The following ABCB10 variants were observed in gnomAD, a reference collection of about 807,000 sequenced individuals.
ABCB10 encodes the protein ATP binding cassette subfamily B member 10, also known as ATP-binding cassette sub-family B member 10, mitochondrial.
In ABCB10, 54 loss-of-function variants were observed where a neutral mutation model predicts 65.4. The observed-to-expected ratio is 0.83, with a 90% confidence interval of 0.66 to 1.04. The LOEUF (loss-of-function observed/expected upper bound fraction) is 1.04, where lower values mean the gene tolerates loss of function less well. Among genes scored for constraint, ABCB10 ranks in the 50% least tolerant of loss-of-function variants. ABCB10 has a pLI of 0.00. For missense variants in ABCB10, 846 were observed against 976.6 expected (o/e 0.87, Z 1.78); for synonymous variants, 418 against 406.5 (o/e 1.03, Z -0.34).
intron 6 of ABCB10, among the ~76,000 whole-genome samples, chr1:229,532,638 T>A (rs1662611647): frequency 6.6e-6 from 1 of 151,192 alleles, no homozygotes; most frequent in Admixed American, 6.6e-5. Context: ...CTCAACACTT[T>A]GGGAGGCCAA....
rs1662554875 is a variant in ABCB10 at position 229,530,376 on chromosome 1, C to T, written c.1468G>A (p.Gly490Ser). Residue 490 changes from glycine to serine, a missense_variant, in exon 8 of 13, where the codon GGT becomes AGT. By Grantham distance (56) the Gly-to-Ser change is moderately conservative (BLOSUM62 0). This residue lies in a region of ABCB10 where 632 missense variants were observed against 803.2 expected (regional missense o/e 0.79). Coordinates refer to ENST00000344517, the MANE Select transcript of ABCB10 (RefSeq NM_012089.3). Reference protein sequence around the residue: ...GVILNEKSFQGALEFKNVHFA... With the variant: ...GVILNEKSFQSALEFKNVHFA... ...TGCACGTTCTTAAACTCCAAAGCACCCTGGAAGCTTTTCTCATTTAAGATG... is the reference window on the plus strand; with the variant it reads ...TGCACGTTCTTAAACTCCAAAGCACTCTGGAAGCTTTTCTCATTTAAGATG... The T allele has an allele frequency of 1.9e-6, 3 of 1,614,066 alleles. No homozygotes were observed. The highest frequency in any genetic ancestry group is 2.5e-6 in the Non-Finnish European group (3 of 1,180,028).
chr1:229,540,776 C>T, intron 4 of ABCB10, 24 bp from the exon 5 acceptor site: 3 of 1,603,256 alleles, frequency 1.9e-6, no homozygotes, highest in Non-Finnish European at 2.6e-6. Context: ...AAATACATTT[C>T]AGGAGGAGAA....
chr1:229,531,712 C>T lies in ABCB10; in HGVS notation c.1359G>A (p.Ser453=), dbSNP rs770732387. The part of the protein sequence containing the change: ...ISIGGLSSFY[S]ELMKGLGAGG... ...CTGCACCCAGTCCTTTCATCAGCTCCGAGTAGAAAGAGCTCAGACCTGAGG... is the reference window on the plus strand; with the variant it reads ...CTGCACCCAGTCCTTTCATCAGCTCTGAGTAGAAAGAGCTCAGACCTGAGG... The change falls in exon 7 of 13, where the codon TCG becomes TCA. Residue 453 remains serine (S), a synonymous_variant. Transcript: ENST00000344517. 4.5e-5 allele frequency: 72 copies of T among 1,613,736 alleles called. No individual in the cohort carries two copies. The highest frequency in any genetic ancestry group is 4.7e-5 in the Non-Finnish European group (55 of 1,179,842).
chr1:229,519,426 G>A (rs1014440636), intron 11 of ABCB10, among the ~76,000 whole-genome samples: 1 of 152,158 alleles, frequency 6.6e-6, no homozygotes, highest in African/African-American at 2.4e-5. Flanking sequence ...TGCCATCAGA[G>A]TAATCACTAG....
chr1:229,518,337 C>T lies in ABCB10; in HGVS notation c.2059G>A (p.Val687Ile). The change falls in exon 13 of 13, where the codon GTT (valine) becomes ATT (isoleucine). Residue 687 changes from valine to isoleucine, a missense_variant. Coordinates refer to ENST00000344517, the MANE Select transcript of ABCB10 (RefSeq NM_012089.3). ...DRLMDGRTVL[V>I]IAHRLSTIKN... ...ATGGTGGACAGACGATGGGCAATAACTAACACCGTTCTTCCATCCATCAGT... is the reference window on the plus strand; with the variant it reads ...ATGGTGGACAGACGATGGGCAATAATTAACACCGTTCTTCCATCCATCAGT... 1 of 1,614,200 alleles carries T rather than the reference C, an allele frequency of 6.2e-7. No individual in the cohort carries two copies. The highest frequency in any genetic ancestry group is 8.5e-7 in the Non-Finnish European group (1 of 1,180,036).
chr1:229,540,762 T>C lies in ABCB10; in HGVS notation c.1057-10A>G, dbSNP rs201337390. 3.7e-6 allele frequency: 6 copies of C among 1,609,680 alleles called. No individual in the cohort carries two copies. In the East Asian group the frequency reaches 9.0e-5, roughly 24 times the overall value. On this transcript the variant is annotated splice_polypyrimidine_tract_variant and intron_variant, in intron 4 of 12. Transcript: ENST00000344517. ...TACGTTCCTCAGCTAGCTGGGAGAA[T>C]AATAAATACATTTCAGGAGGAGAAG...
In ABCB10 at chr1:229,558,385, G is replaced by A; in HGVS notation, c.268C>T (p.Leu90=). The change falls in exon 1 of 13, where the codon CTG becomes TTG. Residue 90 remains leucine (L), a synonymous_variant. Transcript: ENST00000344517. Reference sequence around the variant, plus strand: ...CCGGGGCCGCGAGCCCACAGCCCCAGGAGCCGCGCGAGGCCCAGGACGCCC... The same window carrying A: ...CCGGGGCCGCGAGCCCACAGCCCCAAGAGCCGCGCGAGGCCCAGGACGCCC... ...SRGVLGLARL[L]GLWARGPGSC... The A allele has an allele frequency of 2.4e-6, 3 of 1,242,530 alleles. No homozygotes were observed. Among genetic ancestry groups the A allele is most frequent in the African/African-American group, 1.6e-5 (1 of 62,360 alleles). The allele number at this position is 1,242,530 out of a possible 1,614,324, so 77.0% of individuals were successfully genotyped here. A position where few individuals can be genotyped will look rare whatever the true frequency, so the allele number is the denominator to read the frequency against.
intron 1 of ABCB10, 46 bp downstream of exon 1, chr1:229,558,090 G>T: frequency 7.6e-7 from 1 of 1,309,330 alleles, no homozygotes; most frequent in Non-Finnish European, 9.7e-7. Context: ...CCCGCGTGTG[G>T]AGAAGGAGAG....
intron 3 of ABCB10, among the ~76,000 whole-genome samples, chr1:229,542,847 C>T (rs761882585): frequency 1.3e-5 from 2 of 151,880 alleles, no homozygotes; most frequent in East Asian, 1.9e-4. Context: ...ACCCCATTAT[C>T]GGGTGGGGTG....
rs781300607 is a variant in ABCB10 at position 229,518,182 on chromosome 1, T to C, written c.2214A>G (p.Ala738=). Residue 738 remains alanine (A), a synonymous_variant, in exon 13 of 13, where the codon GCA becomes GCG. Coordinates refer to ENST00000344517, the MANE Select transcript of ABCB10 (RefSeq NM_012089.3). ...TTGTTTACCAGTAATTGCTTCCTTA[T>C]GCTGAAATAAAACTTTGTTTGTTCA... The part of the protein sequence containing the change: ...KLMNKQSFIS[A] 2 of 1,612,246 alleles carry C rather than the reference T, an allele frequency of 1.2e-6. No homozygotes were observed. Among genetic ancestry groups the C allele is most frequent in the African/African-American group, 2.7e-5 (2 of 74,870 alleles).
At position 229,521,664 on chromosome 1, in the gene ABCB10, G is replaced by A. The variant is rs750711754; in HGVS notation, c.1907-29C>T. The A allele has an allele frequency of 5.0e-6, 8 of 1,610,978 alleles. No individual in the cohort carries two copies. The Admixed American group carries it at 1.3e-4, about 27-fold the overall frequency. On this transcript the variant is annotated intron_variant, in intron 10 of 12. Coordinates refer to ENST00000344517, the MANE Select transcript of ABCB10 (RefSeq NM_012089.3). ...ACAAAGACAACATTTAAAAAAAGAA[G>A]GCCTCAACAAAAAATCTTAGTAATA...
intron 1 of ABCB10, among the ~76,000 whole-genome samples, chr1:229,551,858 T>G (rs1350963289): frequency 1.3e-5 from 2 of 152,246 alleles, no homozygotes; most frequent in Non-Finnish European, 2.9e-5. Flanking sequence ...CCTTCATCAG[T>G]AGCTAATCTC....
chr1:229,541,052 G>A (rs12066243), intron 4 of ABCB10, among the ~76,000 whole-genome samples: 3,628 of 152,234 alleles, frequency 0.024, 145 homozygotes, highest in African/African-American at 0.083. Context: ...AGGAGTATAT[G>A]TAGATGCAGA....
At chr1:229,530,737 G>A (rs958540119) in intron 7 of ABCB10, among the ~76,000 whole-genome samples, 3 of 152,218 alleles carry the variant, frequency 2.0e-5, no homozygotes, top group African/African-American at 4.8e-5. Flanking sequence ...AAGTAGTGGA[G>A]TTAAGATCCA....
At chr1:229,540,853 A>G in intron 4 of ABCB10, 101 bp from the exon 5 acceptor site, 3 of 1,290,692 alleles carry the variant, frequency 2.3e-6, no homozygotes, top group Non-Finnish European at 3.1e-6. Context: ...TATTCATTAG[A>G]AAGAAAAGAA....
intron 7 of ABCB10, 21 bp from the exon 8 acceptor site, chr1:229,530,429 T>G: frequency 6.2e-7 from 1 of 1,611,826 alleles, no homozygotes; most frequent in South Asian, 1.1e-5. Context: ...AAATGGAATA[T>G]TAATTACTTA....
intron 1 of ABCB10, among the ~76,000 whole-genome samples, chr1:229,556,908 C>T (rs1663262681): frequency 6.6e-6 from 1 of 152,206 alleles, no homozygotes; most frequent in South Asian, 2.1e-4. Context: ...ATGAATCGCA[C>T]AGTCCCCGTC....
In ABCB10 at chr1:229,558,279, G is replaced by A; in HGVS notation, c.374C>T (p.Ala125Val). The A allele has an allele frequency of 1.6e-6, 2 of 1,254,078 alleles. No homozygotes were observed. The highest frequency in any genetic ancestry group is 3.4e-5 in the East Asian group (1 of 29,152). 77.7% of individuals were successfully genotyped at this position (1,254,078 alleles called of 1,614,324 possible). The stretch of plus-strand genomic sequence containing the variant: ...CCAGGCCTCGTCCCCTGCCCAGGCA[G>A]CGGCTGCGGGACCGCCCGGGAACCG... ...RARFPGGPAA[A>V]AWAGDEAWRR... is the part of the protein sequence containing the mutation. Residue 125 changes from alanine (A) to valine (V), a missense_variant, in exon 1 of 13, where the codon GCT becomes GTT. Ala to Val is a moderately conservative substitution (Grantham distance 64). Transcript: ENST00000344517.
At position 229,525,869 on chromosome 1, in the gene ABCB10, A is replaced by C. The variant is rs901638115; in HGVS notation, c.1906+67T>G. ...CAAAAACAAAACAAACAAACAAAAA[A>C]AACAAGAAACATGTGAAAAGTTCTT... On this transcript the variant is annotated intron_variant, in intron 10 of 12. Coordinates refer to ENST00000344517, the MANE Select transcript of ABCB10 (RefSeq NM_012089.3). The C allele has an allele frequency of 1.6e-5, 25 of 1,523,088 alleles. No homozygotes were observed. The African/African-American group carries it at 3.5e-4, about 21-fold the overall frequency. The allele number at this position is 1,523,088 out of a possible 1,614,324, so 94.3% of individuals were successfully genotyped here. A position where few individuals can be genotyped will look rare whatever the true frequency, so the allele number is the denominator to read the frequency against.
Sources: allele counts gnomAD v4.1 joint callset (sites outside exome capture counted in the v4.1 genomes callset), GRCh38; gene constraint gnomAD v4.1.1; regional missense constraint gnomAD v4.1.1; transcripts MANE v1.5; gene names NCBI Gene and HGNC (gene_info 2026-07-23, HGNC 2026-07-21).